FHIT: variants seen among roughly 807,000 people sequenced by gnomAD.
FHIT encodes the protein bis(5'-adenosyl)-triphosphatase.
In FHIT, 19 loss-of-function variants were observed where a neutral mutation model predicts 17.9. The observed-to-expected ratio is 1.06, with a 90% CI of 0.74 to 1.56. The LOEUF is 1.56. Among genes scored for constraint, FHIT ranks in the 40% most tolerant of loss-of-function variants. The pLI, the probability that FHIT is intolerant of heterozygous loss-of-function variation, is 0.00. For synonymous variants in FHIT, 81 were observed against 69.7 expected (o/e 1.16, Z -0.81); for missense variants, 248 against 189.2 (o/e 1.31, Z -1.82).
chr3:60,392,515 C>G (rs1399330078), intron 5 of FHIT, among the ~76,000 whole-genome samples: 1 of 152,168 alleles, frequency 6.6e-6, no homozygotes, highest in African/African-American at 2.4e-5. Flanking sequence ...ACAGCAGAAA[C>G]AGGCAACATC....
chr3:60,772,154 GA>G (rs71092632), intron 4 of FHIT, among the ~76,000 whole-genome samples: 84,043 of 149,376 alleles, frequency 0.56, 24,498 homozygotes, highest in African/African-American at 0.72. Flanking sequence ...TTCTTCAGAA[GA>G]AAAAAAAAAA....
chr3:60,845,194 T>C (rs575241232), intron 3 of FHIT, among the ~76,000 whole-genome samples: 2 of 152,230 alleles, frequency 1.3e-5, no homozygotes, highest in African/African-American at 4.8e-5. Flanking sequence ...AGCTTTCCAT[T>C]TCCCCACAAA....
chr3:61,080,926 G>C (rs2035117410), intron 2 of FHIT, among the ~76,000 whole-genome samples: 1 of 152,096 alleles, frequency 6.6e-6, no homozygotes, highest in African/African-American at 2.4e-5. Flanking sequence ...CTTGTCAAAG[G>C]ATCACGGCAA....
intron 5 of FHIT, among the ~76,000 whole-genome samples, chr3:60,449,038 C>A (rs2031539033): frequency 6.6e-6 from 1 of 152,166 alleles, no homozygotes; most frequent in South Asian, 2.1e-4. Flanking sequence ...ATAAAGATCA[C>A]TCACTTGATA....
At chr3:60,755,316 G>A (rs1363839358) in intron 4 of FHIT, among the ~76,000 whole-genome samples, 1 of 152,176 alleles carries the variant, frequency 6.6e-6, no homozygotes, top group African/African-American at 2.4e-5. Context: ...CTCCCTGAAG[G>A]GGGCAGCAGC....
At chr3:60,992,247 G>A (rs2030289515) in intron 3 of FHIT, among the ~76,000 whole-genome samples, 2 of 152,200 alleles carry the variant, frequency 1.3e-5, no homozygotes, top group South Asian at 2.1e-4. Context: ...TTTGGAAAGA[G>A]CACAAGGGAG....
chr3:61,014,856 GTA>G (rs1448804352), intron 3 of FHIT, among the ~76,000 whole-genome samples: 1 of 121,458 alleles, frequency 8.2e-6, no homozygotes. Context: ...GTATATATAT[GTA>G]TATATATGCA....
chr3:60,705,598 C>G (rs1362480775), intron 4 of FHIT, among the ~76,000 whole-genome samples: 1 of 152,194 alleles, frequency 6.6e-6, no homozygotes, highest in African/African-American at 2.4e-5. Context: ...TATGCCATTA[C>G]CAGATCCCTT....
At chr3:60,582,611 T>C (rs946312837) in intron 4 of FHIT, among the ~76,000 whole-genome samples, 4 of 148,646 alleles carry the variant, frequency 2.7e-5, no homozygotes, top group African/African-American at 9.7e-5. Context: ...TTCTGGGAGA[T>C]GGAGTATTTG....
chr3:60,058,895 C>A (rs1287364510), intron 5 of FHIT, among the ~76,000 whole-genome samples: 1 of 152,134 alleles, frequency 6.6e-6, no homozygotes, highest in Non-Finnish European at 1.5e-5. Flanking sequence ...GAAACACAGA[C>A]CAAGTGGCAA....
chr3:61,200,911 A>G (rs1240486995), intron 1 of FHIT, among the ~76,000 whole-genome samples: 1 of 152,236 alleles, frequency 6.6e-6, no homozygotes, highest in Admixed American at 6.5e-5. Flanking sequence ...CTACAGTCAA[A>G]TCTTTTGGAG....
Position 61,042,096 on chromosome 3 carries a change from G to A in FHIT, c.-160C>T, listed in dbSNP as rs764632259. Reference sequence around the variant, plus strand: ...ACCGTCTGGATGTAGATAGCACTACGGACCTAGGGAAAGGCAGAAACACAA... The same window carrying A: ...ACCGTCTGGATGTAGATAGCACTACAGACCTAGGGAAAGGCAGAAACACAA... On this transcript the variant is annotated 5_prime_UTR_variant, in exon 3 of 10. Transcript: ENST00000492590. The A allele has an allele frequency of 2.0e-5, 3 of 152,074 alleles. No individual in the cohort carries two copies. The highest frequency in any genetic ancestry group is 4.4e-5 in the Non-Finnish European group (3 of 68,020). The allele number at this position is 152,074 out of a possible 1,614,324, so 9.4% of individuals were successfully genotyped here.
At chr3:60,407,529 ATTTTATTTAT>A (rs1424798820) in intron 5 of FHIT, among the ~76,000 whole-genome samples, 1 of 151,984 alleles carries the variant, frequency 6.6e-6, no homozygotes, top group Admixed American at 6.6e-5. Flanking sequence ...TATTTTTTAA[ATTTTATTTAT>A]TTTTATTTAT....
intron 3 of FHIT, among the ~76,000 whole-genome samples, chr3:60,896,616 G>A (rs1294586870): frequency 6.6e-6 from 1 of 152,206 alleles, no homozygotes; most frequent in African/African-American, 2.4e-5. Flanking sequence ...CAGTACTTCT[G>A]TTGTTTGATT....
At chr3:61,119,996 C>A (rs916335616) in intron 2 of FHIT, among the ~76,000 whole-genome samples, 8 of 152,200 alleles carry the variant, frequency 5.3e-5, no homozygotes, top group Non-Finnish European at 1.0e-4. Context: ...TAATAAATCT[C>A]TTTTTATTGA....
At chr3:60,134,161 G>C (rs970605637) in intron 5 of FHIT, among the ~76,000 whole-genome samples, 6 of 152,128 alleles carry the variant, frequency 3.9e-5, no homozygotes, top group African/African-American at 1.4e-4. Context: ...TATATTTCTG[G>C]AGAAATCAAG....
intron 2 of FHIT, among the ~76,000 whole-genome samples, chr3:61,117,176 T>C (rs918826545): frequency 1.3e-5 from 2 of 152,060 alleles, no homozygotes; most frequent in Non-Finnish European, 2.9e-5. Context: ...AATGGAAGAG[T>C]AAACTGTGCA....
chr3:60,749,096 A>G (rs1432140665), intron 4 of FHIT, among the ~76,000 whole-genome samples: 3 of 152,294 alleles, frequency 2.0e-5, no homozygotes, highest in Admixed American at 1.3e-4. Context: ...AAAAACAATG[A>G]GAGATAAGAA....
intron 5 of FHIT, among the ~76,000 whole-genome samples, chr3:60,105,132 T>C (rs1397862063): frequency 2.0e-5 from 3 of 152,168 alleles, no homozygotes; most frequent in African/African-American, 7.2e-5. Flanking sequence ...AACCAACCAA[T>C]GTTGAGGTTA....
Sources: gnomAD v4.1 joint callset for allele counts (sites outside exome capture counted in the v4.1 genomes callset) on GRCh38, gnomAD v4.1.1 for gene constraint, MANE v1.5 for transcripts, NCBI Gene and HGNC (gene_info 2026-07-23, HGNC 2026-07-21) for gene names.